Variants in GPR161 observed in about 807,000 individuals in gnomAD.
GPR161 encodes G protein-coupled receptor 161, also known as G-protein coupled receptor RE2.
In GPR161, 25 loss-of-function variants were observed where a neutral mutation model predicts 39.2. That is an observed-to-expected ratio of 0.64 (90% CI 0.47 to 0.89). The LOEUF is 0.89. Ranked by LOEUF, GPR161 falls within the 40% of genes least tolerant of loss-of-function variation. GPR161 has a pLI of 0.00. For synonymous variants in GPR161, 286 were observed against 276.6 expected (o/e 1.03, Z -0.34); for missense variants, 547 against 677.8 (o/e 0.81, Z 2.14).
Position 168,085,586 on chromosome 1 carries a change from C to T in GPR161, c.1535G>A (p.Arg512Lys). ...RRGSRTLVSQ[R>K]LQLQSIEEGD... ...TTCTTCGATGCTCTGCAACTGCAGC[C>T]TCTGGCTCACAAGAGTTCTGCTGCC... is the stretch of plus-strand genomic sequence containing the variant. The change falls in exon 6 of 6, where the codon AGG becomes AAG. Residue 512 changes from arginine (R) to lysine (K), a missense_variant. Coordinates refer to ENST00000682931, the MANE Select transcript of GPR161 (RefSeq NM_001375883.1). 6.2e-7 allele frequency: 1 copy of T among 1,614,120 alleles called. No individual in the cohort carries two copies. The highest frequency in any genetic ancestry group is 8.5e-7 in the Non-Finnish European group (1 of 1,180,028).
At chr1:168,099,597 T>C (rs1695892559) in intron 2 of GPR161, among the ~76,000 whole-genome samples, 1 of 152,164 alleles carries the variant, frequency 6.6e-6, no homozygotes, top group Non-Finnish European at 1.5e-5. Context: ...TCTCCTTTAT[T>C]GTAACAAATG....
chr1:168,095,570 A>G (rs1448217759), intron 3 of GPR161, among the ~76,000 whole-genome samples: 2 of 152,236 alleles, frequency 1.3e-5, no homozygotes, highest in African/African-American at 4.8e-5. Context: ...ACACCGGATC[A>G]GTCATCAGAG....
intron 3 of GPR161, 27 bp downstream of exon 3, chr1:168,096,481 G>C (rs1305467397): frequency 6.2e-7 from 1 of 1,600,496 alleles, no homozygotes; most frequent in Non-Finnish European, 8.5e-7. Context: ...TGCCTCGGAG[G>C]GGCTATCCTA....
intron 1 of GPR161, chr1:168,134,959 G>A (rs544042210): frequency 3.8e-5 from 59 of 1,535,492 alleles, no homozygotes; most frequent in Non-Finnish European, 5.0e-5. Context: ...TGTCTTCCTC[G>A]GAACCCAAAC....
intron 2 of GPR161, 32 bp from the exon 3 acceptor site, chr1:168,097,264 GAA>G (rs1695649366): frequency 1.3e-6 from 2 of 1,577,952 alleles, no homozygotes; most frequent in South Asian, 2.3e-5. Context: ...GCAAGAGAGA[GAA>G]GTCAGCGGAG....
intron 1 of GPR161, among the ~76,000 whole-genome samples, chr1:168,115,742 C>A (rs1390138731): frequency 6.6e-6 from 1 of 152,062 alleles, no homozygotes; most frequent in Non-Finnish European, 1.5e-5. Flanking sequence ...TAGGACAAGA[C>A]ACACCTGTCC....
chr1:168,136,127 C>T, intron 1 of GPR161: 1 of 1,263,938 alleles, frequency 7.9e-7, no homozygotes, highest in East Asian at 3.2e-5. Context: ...AGCCGAATCT[C>T]CCTCCCGCAG....
chr1:168,136,447 T>A, intron 1 of GPR161: 1 of 1,317,252 alleles, frequency 7.6e-7, no homozygotes, highest in Non-Finnish European at 9.7e-7. Context: ...CGGGGCGGGC[T>A]GCACCCAGCA....
intron 3 of GPR161, among the ~76,000 whole-genome samples, chr1:168,092,377 T>C (rs1695148596): frequency 6.6e-6 from 1 of 152,258 alleles, no homozygotes; most frequent in South Asian, 2.1e-4. Context: ...GTGGGAGGAA[T>C]GGTCTGAGCC....
At chr1:168,136,555 G>A (rs1307658203) in intron 1 of GPR161, 184 bp downstream of exon 1, 2 of 1,257,088 alleles carry the variant, frequency 1.6e-6, no homozygotes, top group African/African-American at 3.1e-5. Context: ...GCAAGGCGCA[G>A]TGCGGGCGGA....
At chr1:168,090,477 G>GT in intron 4 of GPR161, 87 bp downstream of exon 4, 1 of 697,586 alleles carries the variant, frequency 1.4e-6, no homozygotes, top group South Asian at 2.0e-5. Flanking sequence ...GCCAGCTCTT[G>GT]AGCCTGCACA....
At chr1:168,091,573 T>G (rs974312780) in intron 3 of GPR161, among the ~76,000 whole-genome samples, 12 of 152,096 alleles carry the variant, frequency 7.9e-5, no homozygotes, top group African/African-American at 2.7e-4. Flanking sequence ...TCCCTGTGGT[T>G]TTCTAGGCCC....
At chr1:168,091,242 C>T (rs1695032360) in intron 3 of GPR161, among the ~76,000 whole-genome samples, 1 of 152,154 alleles carries the variant, frequency 6.6e-6, no homozygotes, top group Non-Finnish European at 1.5e-5. Context: ...GGGCCAGGAG[C>T]CACTGCTCTT....
At chr1:168,116,837 T>C (rs922846033) in intron 1 of GPR161, among the ~76,000 whole-genome samples, 1 of 152,198 alleles carries the variant, frequency 6.6e-6, no homozygotes, top group African/African-American at 2.4e-5. Context: ...AGGAATGTCT[T>C]TGTTCAAAAC....
chr1:168,113,226 G>A (rs1285226863), intron 1 of GPR161, among the ~76,000 whole-genome samples: 1 of 152,104 alleles, frequency 6.6e-6, no homozygotes. Context: ...TAGACACAAA[G>A]GTGCTTCAGA....
chr1:168,098,448 T>G lies in GPR161; in HGVS notation c.375-1216A>C, dbSNP rs1051097649. Among the ~76,000 whole-genome samples, 9 of 152,224 alleles carry G rather than the reference T, an allele frequency of 5.9e-5. No homozygotes were observed. Among genetic ancestry groups the G allele is most frequent in the Admixed American group, 3.9e-4 (6 of 15,288 alleles). ...ATCCAAGGGAAATAGGATGTTCCCA[T>G]GAGGGCAACATGTGTAAGGGACGGG... On this transcript the variant is annotated intron_variant, in intron 2 of 5. Coordinates refer to ENST00000682931, the MANE Select transcript of GPR161 (RefSeq NM_001375883.1). The surrounding 1 kb of genome is among the most constrained non-coding windows in gnomAD (Gnocchi z 4.1).
At chr1:168,093,873 T>G (rs1695286161) in intron 3 of GPR161, among the ~76,000 whole-genome samples, 1 of 152,328 alleles carries the variant, frequency 6.6e-6, no homozygotes, top group African/African-American at 2.4e-5. Context: ...GTTCCCAGAC[T>G]CTTACTGATG....
Position 168,104,613 on chromosome 1 carries a change from C to G in GPR161, c.238G>C (p.Val80Leu). 6.2e-7 allele frequency: 1 copy of G among 1,614,086 alleles called. No individual in the cohort carries two copies. The highest frequency in any genetic ancestry group is 8.5e-7 in the Non-Finnish European group (1 of 1,179,990). ...TLSNFLLSVLVLPFVVTSSIR... is the reference protein window; with the variant it reads ...TLSNFLLSVLLLPFVVTSSIR... ...GAGCTCGTCACCACAAAAGGCAGCA[C>G]CAACACGGACAGCAGGAAGTTGGAC... Residue 80 changes from valine to leucine, a missense_variant, in exon 2 of 6, where the codon GTG (valine) becomes CTG (leucine). By Grantham distance (32) the Val-to-Leu change is conservative. Transcript: ENST00000682931.
In GPR161 at chr1:168,097,102, C is replaced by T. The variant is rs149073459; in HGVS notation, c.505G>A (p.Val169Met). ...ATCCATTTGAACTCGTCAAACTCCA[C>T]GGATGACCAACCAAACAGGGGTGGC... ...CLPPLFGWSS[V>M]EFDEFKWMCV... Residue 169 changes from valine (V) to methionine (M), a missense_variant, in exon 3 of 6, where the codon GTG becomes ATG. Coordinates refer to ENST00000682931, the MANE Select transcript of GPR161 (RefSeq NM_001375883.1). The T allele has an allele frequency of 3.4e-4, 554 of 1,613,948 alleles. No individual in the cohort carries two copies. The highest frequency in any genetic ancestry group is 4.4e-4 in the Non-Finnish European group (524 of 1,180,038).
Sources: gnomAD v4.1 joint callset for allele counts (sites outside exome capture counted in the v4.1 genomes callset) on GRCh38, gnomAD v4.1.1 for gene constraint, Gnocchi (gnomAD v3.1) non-coding constraint, MANE v1.5 for transcripts, NCBI Gene and HGNC (gene_info 2026-07-23, HGNC 2026-07-21) for gene names.